The following ST3GAL3 variants were observed in gnomAD, a reference collection of about 807,000 sequenced individuals.
ST3GAL3 encodes ST3 beta-galactoside alpha-2,3-sialyltransferase 3.
A neutral mutation model predicts 50.1 loss-of-function variants in ST3GAL3; 21 were observed. The observed-to-expected ratio is 0.42, with a 90% confidence interval of 0.30 to 0.60. ST3GAL3 has a LOEUF of 0.60. ST3GAL3 is among the 20% of genes least tolerant of loss of function. The pLI is 0.19. For synonymous variants in ST3GAL3, 183 were observed against 190.0 expected, an observed-to-expected ratio of 0.96 and a Z score of 0.30; for missense variants, 353 against 489.4, an observed-to-expected ratio of 0.72 and a Z score of 2.63.
intron 3 of ST3GAL3, among the ~76,000 whole-genome samples, chr1:43,807,487 A>T (rs1048360732): frequency 6.6e-6 from 1 of 151,972 alleles, no homozygotes; most frequent in African/African-American, 2.4e-5. Context: ...GTCTTGGGGG[A>T]TCTTGTAGGT....
chr1:43,819,511 G>T (rs2061818558), intron 4 of ST3GAL3, among the ~76,000 whole-genome samples: 1 of 152,116 alleles, frequency 6.6e-6, no homozygotes, highest in African/African-American at 2.4e-5. Flanking sequence ...TGAAAGGTTG[G>T]CTTTGGCCCA....
chr1:43,830,753 T>G (rs1473203134), intron 4 of ST3GAL3, among the ~76,000 whole-genome samples: 4 of 152,222 alleles, frequency 2.6e-5, no homozygotes, highest in Admixed American at 2.0e-4. Flanking sequence ...ATGGAATTGT[T>G]TTAGTGGCCC....
intron 1 of ST3GAL3, among the ~76,000 whole-genome samples, chr1:43,717,971 C>G (rs1668233852): frequency 6.6e-6 from 1 of 151,922 alleles, no homozygotes; most frequent in South Asian, 2.1e-4. Flanking sequence ...CTCCCGGGTT[C>G]AAGCGATTCT....
At chr1:43,808,817 C>T (rs1196877573) in intron 3 of ST3GAL3, among the ~76,000 whole-genome samples, 1 of 152,146 alleles carries the variant, frequency 6.6e-6, no homozygotes, top group African/African-American at 2.4e-5. Flanking sequence ...GGGAAAGAAC[C>T]ACTGGAAGGG....
At position 43,877,787 on chromosome 1, in the gene ST3GAL3, T is replaced by A. The variant is rs149129717; in HGVS notation, c.303-16596T>A. On this transcript the variant is annotated intron_variant, in intron 5 of 11. Transcript: ENST00000347631. The stretch of plus-strand genomic sequence containing the variant: ...CAATGATTGGATGCAGAGCAGATAG[T>A]GGTCAGCAATGACTGCCCTTGTGCC... 1.6e-3 allele frequency among the ~76,000 whole-genome samples: 239 copies of A among 152,344 alleles called. 1 individual carries two copies. The Middle Eastern group carries it at 0.048, about 30-fold the overall frequency.
chr1:43,799,214 C>A (rs1021937766), intron 3 of ST3GAL3, among the ~76,000 whole-genome samples: 1 of 152,132 alleles, frequency 6.6e-6, no homozygotes, highest in Non-Finnish European at 1.5e-5. Context: ...ATGGTTCTTA[C>A]TTCATTCTTT....
intron 2 of ST3GAL3, among the ~76,000 whole-genome samples, chr1:43,774,679 T>G (rs947805270): frequency 6.6e-6 from 1 of 152,238 alleles, no homozygotes; most frequent in African/African-American, 2.4e-5. Context: ...AATTTGGTCA[T>G]CCTTTCATTT....
intron 2 of ST3GAL3, 133 bp downstream of exon 2, chr1:43,736,513 C>G (rs952654025): frequency 1.3e-6 from 2 of 1,532,230 alleles, no homozygotes; most frequent in African/African-American, 1.4e-5. Context: ...GGACTTTGGC[C>G]TAGAAATTGC....
intron 3 of ST3GAL3, among the ~76,000 whole-genome samples, chr1:43,804,921 G>A (rs1476011950): frequency 2.0e-5 from 3 of 152,150 alleles, no homozygotes; most frequent in Admixed American, 6.5e-5. Flanking sequence ...AGGTCTCAGG[G>A]CACTTACTAG....
At chr1:43,810,402 G>A (rs2060421533) in intron 3 of ST3GAL3, among the ~76,000 whole-genome samples, 2 of 152,078 alleles carry the variant, frequency 1.3e-5, no homozygotes, top group Admixed American at 1.3e-4. Flanking sequence ...GGGTAGGCCG[G>A]GTGGTTGGAA....
At chr1:43,874,149 G>T (rs1244327424) in intron 5 of ST3GAL3, among the ~76,000 whole-genome samples, 1 of 152,188 alleles carries the variant, frequency 6.6e-6, no homozygotes, top group African/African-American at 2.4e-5. Flanking sequence ...ACAAACTAGG[G>T]CACTTTTGAG....
At chr1:43,906,595 CCACTCTTCCTCCTCCTCCTGCTCT>C (rs2079793103) in intron 9 of ST3GAL3, among the ~76,000 whole-genome samples, 3 of 148,916 alleles carry the variant, frequency 2.0e-5, no homozygotes, top group Admixed American at 2.0e-4. Context: ...CCTCTTCCTG[CCACTCTTCCTCCTCCTCCTGCTCT>C]TCTTCCTGCC....
Position 43,920,880 on chromosome 1 carries a change from C to T in ST3GAL3, c.990C>T (p.Asn330=), listed in dbSNP as rs773763812. Residue 330 remains asparagine (N), a synonymous_variant, in exon 11 of 12, where the codon AAC becomes AAT. Coordinates refer to ENST00000347631, the MANE Select transcript of ST3GAL3 (RefSeq NM_006279.5). ...AGFGYDMSTP[N]APLHYYETVR... ...TTGGCTATGACATGAGCACACCCAACGCACCCCTGCACTACTATGAGACCG... is the reference window on the plus strand; with the variant it reads ...TTGGCTATGACATGAGCACACCCAATGCACCCCTGCACTACTATGAGACCG... 9.9e-6 allele frequency: 16 copies of T among 1,614,108 alleles called. No individual in the cohort carries two copies. The highest frequency in any genetic ancestry group is 8.8e-5 in the South Asian group (8 of 91,072).
At chr1:43,776,248 G>A (rs953918898) in intron 2 of ST3GAL3, among the ~76,000 whole-genome samples, 2 of 152,110 alleles carry the variant, frequency 1.3e-5, no homozygotes, top group African/African-American at 4.8e-5. Flanking sequence ...GGCAACCACT[G>A]ATCTGCTTTC....
chr1:43,810,018 G>GGAAA (rs369498882), intron 3 of ST3GAL3, among the ~76,000 whole-genome samples: 16 of 144,798 alleles, frequency 1.1e-4, no homozygotes, highest in African/African-American at 1.5e-4. Context: ...AAGAAAGAAA[G>GGAAA]AAAAAAGAAA....
At chr1:43,817,782 T>TCTTCTCCTCCTC (rs1237651325) in intron 4 of ST3GAL3, among the ~76,000 whole-genome samples, 34,848 of 87,386 alleles carry the variant, frequency 0.4, 7,902 homozygotes, top group Middle Eastern at 0.43. Flanking sequence ...TTCTCCTCCT[T>TCTTCTCCTCCTC]CTTCTCCTCC....
intron 5 of ST3GAL3, among the ~76,000 whole-genome samples, chr1:43,893,869 G>A (rs1444671307): frequency 6.6e-6 from 1 of 152,054 alleles, no homozygotes; most frequent in Admixed American, 6.6e-5. Flanking sequence ...TCTGTCTCCT[G>A]TAGCTTTTAA....
intron 3 of ST3GAL3, among the ~76,000 whole-genome samples, chr1:43,798,035 A>G (rs994057339): frequency 2.6e-5 from 4 of 152,218 alleles, no homozygotes; most frequent in Non-Finnish European, 4.4e-5. Flanking sequence ...GATGAAACAT[A>G]TATAGGAGCT....
rs902276810 is a variant in ST3GAL3, at chr1:43,916,572, C to T, written c.745-3832C>T. 4 of 152,164 alleles carry T rather than the reference C, an allele frequency of 2.6e-5. No homozygotes were observed. In the East Asian group the frequency reaches 7.7e-4, roughly 29 times the overall value. The allele number at this position is 152,164 out of a possible 1,614,324, so 9.4% of individuals were successfully genotyped here. A position where few individuals can be genotyped will look rare whatever the true frequency, so the allele number is the denominator to read the frequency against. On this transcript the variant is annotated intron_variant, in intron 9 of 11. Transcript: ENST00000347631. ...AGTGTTGGTTACATACATTATGGTACATCCATAAGACAAAATTCCTTTTTT... is the reference window on the plus strand; with the variant it reads ...AGTGTTGGTTACATACATTATGGTATATCCATAAGACAAAATTCCTTTTTT...
Sources: allele counts gnomAD v4.1 joint callset (sites outside exome capture counted in the v4.1 genomes callset), GRCh38; gene constraint gnomAD v4.1.1; transcripts MANE v1.5; gene names NCBI Gene and HGNC (gene_info 2026-07-23, HGNC 2026-07-21).